The following PRR5L variants were observed in gnomAD, a reference collection of about 807,000 sequenced individuals.
PRR5L encodes proline-rich protein 5-like.
In PRR5L, 21 loss-of-function variants were observed where a neutral mutation model predicts 36.4. The ratio of observed to expected loss-of-function variants is 0.58; its 90% CI spans 0.41 to 0.83. PRR5L has a LOEUF of 0.83. Among genes scored for constraint, PRR5L ranks in the 40% least tolerant of loss-of-function variants. PRR5L has a pLI of 0.00. For synonymous variants in PRR5L, 188 were observed against 197.0 expected, an observed-to-expected ratio of 0.95 and a Z score of 0.38; for missense variants, 381 against 473.3, an observed-to-expected ratio of 0.80 and a Z score of 1.81.
rs975658823 is a variant in PRR5L, at chr11:36,401,282, A to T, written c.161A>T (p.Asn54Ile). The T allele has an allele frequency of 6.2e-7, 1 of 1,610,814 alleles. No individual in the cohort carries two copies. The highest frequency in any genetic ancestry group is 1.7e-5 in the Admixed American group (1 of 60,008). ...ALQLSSSSAWNSVQTAVINVF... is the reference protein window; with the variant it reads ...ALQLSSSSAWISVQTAVINVF... Reference sequence around the variant, plus strand: ...CAGCTGAGCTCCAGCTCAGCCTGGAACAGGTGAAGGAGGCTGCAGGATGTG... The same window carrying T: ...CAGCTGAGCTCCAGCTCAGCCTGGATCAGGTGAAGGAGGCTGCAGGATGTG... Residue 54 changes from asparagine (N) to isoleucine (I), a missense_variant, in exon 2 of 9, where the codon AAC (asparagine) becomes ATC (isoleucine). Coordinates refer to ENST00000530639, the MANE Select transcript of PRR5L (RefSeq NM_001160167.2).
Position 36,401,126 on chromosome 11 carries a change from C to T in PRR5L, c.5C>T (p.Thr2Ile), listed in dbSNP as rs1462473616. 13 of 1,613,960 alleles carry T rather than the reference C, an allele frequency of 8.1e-6. No individual in the cohort carries two copies. Among genetic ancestry groups the T allele is most frequent in the Admixed American group, 1.7e-5 (1 of 59,998 alleles). Residue 2 changes from threonine (T) to isoleucine (I), a missense_variant, in exon 2 of 9, where the codon ACC becomes ATC. Thr to Ile is a moderately conservative substitution (Grantham distance 89). Transcript: ENST00000530639. Reference sequence around the variant, plus strand: ...GCTGAACTGTCACCAGGACTTATGACCCGCGGCTTCGCTCCCATTCTGCCC... The same window carrying T: ...GCTGAACTGTCACCAGGACTTATGATCCGCGGCTTCGCTCCCATTCTGCCC... M[T>I]RGFAPILPVE...
At chr11:36,347,505 C>T (rs578051007) in intron 1 of PRR5L, among the ~76,000 whole-genome samples, 53 of 151,976 alleles carry the variant, frequency 3.5e-4, no homozygotes, top group African/African-American at 1.2e-3. Flanking sequence ...TTTTGGGGTG[C>T]TGAGTTGTAA....
chr11:36,349,292 A>AAG (rs1554986764), intron 1 of PRR5L, among the ~76,000 whole-genome samples: 1 of 151,598 alleles, frequency 6.6e-6, no homozygotes, highest in Non-Finnish European at 1.5e-5. Flanking sequence ...AAAAAAAAAA[A>AAG]AAAAGAAAAA....
At position 36,462,761 on chromosome 11, in the gene PRR5L, C is replaced by G. The variant is rs116114835; in HGVS notation, c.*25C>G. 6.0e-4 allele frequency: 905 copies of G among 1,511,378 alleles called. 6 individuals are homozygous for G. The African/African-American group carries it at 0.012, about 20-fold the overall frequency. 93.6% of individuals were successfully genotyped at this position (1,511,378 alleles called of 1,614,324 possible). On this transcript the variant is annotated 3_prime_UTR_variant, in exon 9 of 9. Transcript: ENST00000530639. ...AGTCGCCACCCCTGGGCCTTTCCAT[C>G]TCCTGTTTTGCAACCAGGATGAGGA...
chr11:36,440,528 G>A (rs1858698783), intron 6 of PRR5L, among the ~76,000 whole-genome samples: 1 of 152,158 alleles, frequency 6.6e-6, no homozygotes, highest in Admixed American at 6.5e-5. Context: ...ATGACTACAG[G>A]TATTTCATAT....
chr11:36,447,752 C>G (rs186085570), intron 7 of PRR5L, among the ~76,000 whole-genome samples: 1 of 152,156 alleles, frequency 6.6e-6, no homozygotes, highest in African/African-American at 2.4e-5. Context: ...CTCCCCCTTT[C>G]CTGTAATTAG....
In PRR5L at chr11:36,395,032, C is replaced by T. The variant is rs116994733; in HGVS notation, c.-125-5965C>T. Among the ~76,000 whole-genome samples the T allele has an allele frequency of 7.6e-3, 1,163 of 152,220 alleles. 27 individuals are homozygous for T. Among genetic ancestry groups the T allele is most frequent in the Admixed American group, 0.042 (636 of 15,288 alleles). ...TTTTCTGCAATGCTATTTCTAGGCTCTGGTGGGGGTGGGTATTGGAGTCAT... is the reference window on the plus strand; with the variant it reads ...TTTTCTGCAATGCTATTTCTAGGCTTTGGTGGGGGTGGGTATTGGAGTCAT... On this transcript the variant is annotated intron_variant, in intron 1 of 8. Coordinates refer to ENST00000530639, the MANE Select transcript of PRR5L (RefSeq NM_001160167.2).
At chr11:36,354,353 A>G (rs1857004632) in intron 1 of PRR5L, among the ~76,000 whole-genome samples, 1 of 152,180 alleles carries the variant, frequency 6.6e-6, no homozygotes, top group African/African-American at 2.4e-5. Flanking sequence ...GCTCCAGGCA[A>G]AGGCACGTCA....
chr11:36,320,395 C>T (rs1590438402), intron 1 of PRR5L, among the ~76,000 whole-genome samples: 1 of 134,178 alleles, frequency 7.5e-6, no homozygotes, highest in Non-Finnish European at 1.6e-5. Context: ...AGGTGCCTGC[C>T]GCCACACGCA....
chr11:36,361,613 T>C (rs1306139539), intron 1 of PRR5L, among the ~76,000 whole-genome samples: 1 of 152,190 alleles, frequency 6.6e-6, no homozygotes, highest in Non-Finnish European at 1.5e-5. Flanking sequence ...AAAGAAATCA[T>C]TGTGGGAATG....
At chr11:36,373,701 A>G (rs952001337) in intron 1 of PRR5L, among the ~76,000 whole-genome samples, 21 of 150,970 alleles carry the variant, frequency 1.4e-4, no homozygotes, top group African/African-American at 5.2e-4. Flanking sequence ...TCAGTCCTTC[A>G]ATACTTTTTT....
chr11:36,306,870 A>G (rs1049702417), intron 1 of PRR5L, among the ~76,000 whole-genome samples: 3 of 137,034 alleles, frequency 2.2e-5, no homozygotes, highest in Non-Finnish European at 5.1e-5. Flanking sequence ...CTATTTTCTC[A>G]TAGTGCTAAA....
intron 1 of PRR5L, among the ~76,000 whole-genome samples, chr11:36,372,854 T>A (rs1590495646): frequency 6.6e-6 from 1 of 152,198 alleles, no homozygotes; most frequent in East Asian, 1.9e-4. Flanking sequence ...AATGTTGACC[T>A]CATAAGGTTC....
intron 6 of PRR5L, among the ~76,000 whole-genome samples, chr11:36,442,360 G>A (rs1464824455): frequency 2.4e-5 from 3 of 123,322 alleles, no homozygotes; most frequent in East Asian, 2.3e-4. Context: ...TTTTTTTTTC[G>A]AGACAGAGTC....
chr11:36,322,341 A>G (rs571736698), intron 1 of PRR5L, among the ~76,000 whole-genome samples: 5 of 152,268 alleles, frequency 3.3e-5, no homozygotes, highest in South Asian at 2.1e-4. Context: ...TCAGTAAAAT[A>G]TCTCCAACAA....
chr11:36,364,635 A>G (rs1056069401), intron 1 of PRR5L, among the ~76,000 whole-genome samples: 1 of 152,226 alleles, frequency 6.6e-6, no homozygotes, highest in Non-Finnish European at 1.5e-5. Flanking sequence ...AAAGTGCCAT[A>G]TAAACACAGC....
intron 1 of PRR5L, among the ~76,000 whole-genome samples, chr11:36,342,484 C>A (rs957775331): frequency 1.3e-5 from 2 of 152,162 alleles, no homozygotes; most frequent in Admixed American, 6.5e-5. Context: ...GGTCTACCTC[C>A]AGTAAGACAT....
intron 1 of PRR5L, among the ~76,000 whole-genome samples, chr11:36,385,961 C>T (rs1857449934): frequency 6.6e-6 from 1 of 152,232 alleles, no homozygotes; most frequent in Admixed American, 6.5e-5. Flanking sequence ...GGGAAGGCTA[C>T]TCTTCCTGGT....
intron 1 of PRR5L, among the ~76,000 whole-genome samples, 180 bp downstream of exon 1, chr11:36,296,618 G>T (rs1396848089): frequency 1.3e-5 from 2 of 152,222 alleles, no homozygotes; most frequent in African/African-American, 4.8e-5. Flanking sequence ...CAGCCTCCCA[G>T]TTAGAAAAAT....
Sources: allele counts gnomAD v4.1 joint callset (sites outside exome capture counted in the v4.1 genomes callset), GRCh38; gene constraint gnomAD v4.1.1; transcripts MANE v1.5; gene names NCBI Gene and HGNC (gene_info 2026-07-23, HGNC 2026-07-21).